The following ARHGAP39 variants were observed in gnomAD, a reference collection of about 807,000 sequenced individuals.
ARHGAP39 encodes Rho GTPase activating protein 39, also known as rho GTPase-activating protein 39.
ARHGAP39 carries 44 observed loss-of-function variants against 106.9 expected under a neutral mutation model. That is an observed-to-expected ratio of 0.41 (90% CI 0.32 to 0.53). The LOEUF is 0.53. Among genes scored for constraint, ARHGAP39 ranks in the 20% least tolerant of loss-of-function variants. ARHGAP39 has a pLI of 0.21. For missense variants in ARHGAP39, 1,496 were observed against 1,577.3 expected, an observed-to-expected ratio of 0.95 and a Z score of 0.87; for synonymous variants, 768 against 693.2, an observed-to-expected ratio of 1.11 and a Z score of -1.69.
At chr8:144,595,474 C>A (rs935221685) in intron 2 of ARHGAP39, among the ~76,000 whole-genome samples, 2 of 152,206 alleles carry the variant, frequency 1.3e-5, no homozygotes, top group African/African-American at 4.8e-5. Flanking sequence ...GTGGCAGCAG[C>A]TGCACAACTC....
chr8:144,545,075 G>A (rs1042264605), intron 6 of ARHGAP39, among the ~76,000 whole-genome samples, 174 bp downstream of exon 6: 1 of 152,254 alleles, frequency 6.6e-6, no homozygotes, highest in Non-Finnish European at 1.5e-5. Context: ...GGGGCTCCAG[G>A]AAGAGGCCAC....
intron 3 of ARHGAP39, among the ~76,000 whole-genome samples, chr8:144,560,888 T>C (rs1374887719): frequency 6.6e-6 from 1 of 152,196 alleles, no homozygotes; most frequent in Admixed American, 6.5e-5. Context: ...CACGGCAGAA[T>C]TACTTTACAA....
chr8:144,561,880 A>G (rs1383899668), intron 3 of ARHGAP39, among the ~76,000 whole-genome samples: 11 of 122,072 alleles, frequency 9.0e-5, no homozygotes, highest in East Asian at 2.5e-4. Context: ...GGTTTCCATC[A>G]CACTCCAGTG....
intron 3 of ARHGAP39, among the ~76,000 whole-genome samples, chr8:144,563,291 C>T (rs1242414383): frequency 1.3e-5 from 2 of 152,236 alleles, no homozygotes; most frequent in East Asian, 3.8e-4. Flanking sequence ...ACACGAACTT[C>T]ATGCACTCTC....
intron 6 of ARHGAP39, among the ~76,000 whole-genome samples, chr8:144,539,745 C>G (rs1817115421): frequency 6.6e-6 from 1 of 152,232 alleles, no homozygotes; most frequent in Non-Finnish European, 1.5e-5. Flanking sequence ...TCTAAACTTG[C>G]TCTCTGTGGC....
rs1817356444 is a variant in ARHGAP39 at position 144,545,187 on chromosome 8, C to T, written c.2521+62G>A. 2.1e-6 allele frequency: 3 copies of T among 1,399,098 alleles called. No individual in the cohort carries two copies. The South Asian group carries it at 5.5e-5, about 26-fold the overall frequency. The allele number at this position is 1,399,098 out of a possible 1,614,324, so 86.7% of individuals were successfully genotyped here. ...GGACTTCACCAGCTGCCGCCCAGCA[C>T]AGCAGGAGCCCTCTCCACTGCCCTT... On this transcript the variant is annotated intron_variant, in intron 6 of 11. Transcript: ENST00000377307.
intron 4 of ARHGAP39, among the ~76,000 whole-genome samples, chr8:144,553,089 A>T (rs57198027): frequency 0.1 from 15,318 of 152,126 alleles, 2,436 homozygotes; most frequent in African/African-American, 0.34. Context: ...GGCAGCTCAC[A>T]CCTAGGCCTC....
intron 1 of ARHGAP39, among the ~76,000 whole-genome samples, chr8:144,639,212 G>A (rs538730478): frequency 3.3e-5 from 5 of 151,524 alleles, no homozygotes; most frequent in Non-Finnish European, 7.4e-5. Flanking sequence ...CTGAGTCCCC[G>A]CTACTTGGGA....
Position 144,602,160 on chromosome 8 carries a change from T to C in ARHGAP39, c.80+3375A>G, listed in dbSNP as rs1217042187. ...GCGAGCTCATGTACCTGTGTGTGTG[T>C]GCGTGGAGGCGTGTGTGCTCGTGTA... On this transcript the variant is annotated intron_variant, in intron 2 of 11. Transcript: ENST00000377307. 6.2e-5 allele frequency among the ~76,000 whole-genome samples: 8 copies of C among 129,474 alleles called. No homozygotes were observed. In the South Asian group the frequency reaches 7.9e-4, roughly 13 times the overall value. 84.9% of individuals were successfully genotyped at this position (129,474 alleles called of 152,430 possible).
chr8:144,532,218 G>C (rs997472378), intron 10 of ARHGAP39, 87 bp downstream of exon 10: 20 of 1,128,560 alleles, frequency 1.8e-5, no homozygotes, highest in Non-Finnish European at 2.4e-5. Flanking sequence ...GCAGGATCAG[G>C]GTGGACCCCA....
intron 2 of ARHGAP39, among the ~76,000 whole-genome samples, chr8:144,584,479 C>T (rs1489526178): frequency 6.6e-6 from 1 of 151,976 alleles, no homozygotes; most frequent in Non-Finnish European, 1.5e-5. Flanking sequence ...AATTGAGTTT[C>T]TGGCCAGGTG....
At chr8:144,543,335 G>A (rs1266729532) in intron 6 of ARHGAP39, among the ~76,000 whole-genome samples, 2 of 152,166 alleles carry the variant, frequency 1.3e-5, no homozygotes, top group Admixed American at 6.5e-5. Flanking sequence ...CTAGGCACAG[G>A]AGGCTGGCTG....
At chr8:144,561,723 C>T (rs974584532) in intron 3 of ARHGAP39, among the ~76,000 whole-genome samples, 7 of 150,278 alleles carry the variant, frequency 4.7e-5, no homozygotes, top group East Asian at 3.9e-4. Context: ...TGGTTTCCAT[C>T]GGACTTAATC....
chr8:144,583,428 T>C (rs1819073414), intron 2 of ARHGAP39, among the ~76,000 whole-genome samples: 1 of 152,170 alleles, frequency 6.6e-6, no homozygotes, highest in Admixed American at 6.5e-5. Flanking sequence ...GCTCGGCACG[T>C]GGAGGCACAG....
chr8:144,536,275 C>G (rs759600952), intron 7 of ARHGAP39, among the ~76,000 whole-genome samples: 2 of 152,140 alleles, frequency 1.3e-5, no homozygotes, highest in Non-Finnish European at 2.9e-5. Context: ...CTACTCTGCT[C>G]GGGGGCCAGG....
intron 3 of ARHGAP39, among the ~76,000 whole-genome samples, chr8:144,561,881 C>T (rs1818183851): frequency 6.8e-6 from 1 of 146,608 alleles, no homozygotes; most frequent in Admixed American, 6.8e-5. Flanking sequence ...GTTTCCATCA[C>T]ACTCCAGTGG....
At chr8:144,539,382 C>G (rs540301471) in intron 6 of ARHGAP39, among the ~76,000 whole-genome samples, 1 of 152,206 alleles carries the variant, frequency 6.6e-6, no homozygotes, top group African/African-American at 2.4e-5. Flanking sequence ...ATTCTTTTAA[C>G]AGTCTTTTGT....
At chr8:144,574,227 A>T (rs920714065) in intron 3 of ARHGAP39, among the ~76,000 whole-genome samples, 6 of 152,012 alleles carry the variant, frequency 3.9e-5, no homozygotes, top group African/African-American at 1.5e-4. Context: ...CATAATTAAA[A>T]ACTGAAAATA....
chr8:144,534,423 G>T (rs561695613), intron 7 of ARHGAP39, among the ~76,000 whole-genome samples: 1 of 152,308 alleles, frequency 6.6e-6, no homozygotes, highest in South Asian at 2.1e-4. Flanking sequence ...GACAGGCTTG[G>T]GAGGAACCGC....
Sources: allele counts gnomAD v4.1 joint callset (sites outside exome capture counted in the v4.1 genomes callset), GRCh38; gene constraint gnomAD v4.1.1; transcripts MANE v1.5; gene names NCBI Gene and HGNC (gene_info 2026-07-23, HGNC 2026-07-21).